Variants in RBFOX1 observed in about 807,000 individuals in gnomAD.
The protein encoded by RBFOX1 is RNA binding fox-1 homolog 1, also known as RNA binding protein fox-1 homolog 1.
A neutral mutation model predicts 57.7 loss-of-function variants in RBFOX1; 8 were observed. The observed-to-expected ratio is 0.14, with a 90% CI of 0.08 to 0.25. The LOEUF is 0.25. RBFOX1 is among the 10% of genes least tolerant of loss of function. The probability of loss-of-function intolerance (pLI) is 1.00; values close to 1 mark genes in which losing one functional copy is unlikely to be tolerated. For synonymous variants in RBFOX1, 326 were observed against 222.4 expected, an observed-to-expected ratio of 1.47 and a Z score of -4.15; for missense variants, 611 against 548.5, an observed-to-expected ratio of 1.11 and a Z score of -1.14.
At chr16:6,483,629 G>A (rs2095411402) in intron 2 of RBFOX1, 5 of 1,323,248 alleles carry the variant, frequency 3.8e-6, no homozygotes, top group Admixed American at 2.3e-5. Flanking sequence ...GAGAGACCAG[G>A]CAGCTTCTGC....
chr16:6,818,048 C>T (rs548654238), intron 3 of RBFOX1, among the ~76,000 whole-genome samples: 92 of 152,276 alleles, frequency 6.0e-4, no homozygotes, highest in Non-Finnish European at 1.2e-3. Context: ...TCCTATATCT[C>T]ACATGGGCAT....
At chr16:6,477,336 A>G (rs2095289472) in intron 2 of RBFOX1, among the ~76,000 whole-genome samples, 1 of 152,228 alleles carries the variant, frequency 6.6e-6, no homozygotes, top group African/African-American at 2.4e-5. Flanking sequence ...TAAGACTGGA[A>G]ATCAAAATTA....
At chr16:5,498,305 G>T (rs1199383227) in intron 2 of RBFOX1, among the ~76,000 whole-genome samples, 5 of 152,046 alleles carry the variant, frequency 3.3e-5, no homozygotes, top group Non-Finnish European at 2.9e-5. Context: ...ACCACGCCCA[G>T]CTAATATTTT....
chr16:7,549,283 CT>C (rs2085591875), intron 5 of RBFOX1, among the ~76,000 whole-genome samples: 1 of 152,144 alleles, frequency 6.6e-6, no homozygotes, highest in African/African-American at 2.4e-5. Context: ...TGCTGTAGGA[CT>C]GTGAATAAGC....
intron 2 of RBFOX1, among the ~76,000 whole-genome samples, chr16:5,497,448 G>C (rs1230210956): frequency 6.6e-6 from 1 of 151,944 alleles, no homozygotes; most frequent in African/African-American, 2.4e-5. Flanking sequence ...GACCCAGAGA[G>C]ACAAGAAAGA....
chr16:6,840,254 T>A (rs1162624376), intron 3 of RBFOX1, among the ~76,000 whole-genome samples: 1 of 152,180 alleles, frequency 6.6e-6, no homozygotes, highest in Non-Finnish European at 1.5e-5. Context: ...CATCTTTTAG[T>A]CACACGGAAC....
chr16:7,450,723 T>C (rs2098845518), intron 4 of RBFOX1, among the ~76,000 whole-genome samples: 1 of 152,114 alleles, frequency 6.6e-6, no homozygotes, highest in Admixed American at 6.5e-5. Flanking sequence ...GCATGGATGC[T>C]AATGGTTAGG....
chr16:6,016,046 G>T (rs905574284), upstream of RBFOX1, among the ~76,000 whole-genome samples: 2 of 152,214 alleles, frequency 1.3e-5, no homozygotes, highest in Non-Finnish European at 2.9e-5. Flanking sequence ...AGCCCATTTA[G>T]ACAGCAATCT....
At chr16:7,510,011 G>A (rs1255085199) in intron 4 of RBFOX1, 1 of 245,092 alleles carries the variant, frequency 4.1e-6, no homozygotes, top group Non-Finnish European at 6.4e-6. Flanking sequence ...CATCTGCTCA[G>A]TGGTGCGCTG....
chr16:7,626,545 G>A (rs925568355), intron 10 of RBFOX1, among the ~76,000 whole-genome samples: 3 of 152,298 alleles, frequency 2.0e-5, no homozygotes, highest in African/African-American at 4.8e-5. Context: ...GTCCCATGGA[G>A]CCAAATGTCT....
chr16:6,450,799 A>ATG (rs1357624195), intron 2 of RBFOX1, among the ~76,000 whole-genome samples: 219 of 12,532 alleles, frequency 0.017, 37 homozygotes, highest in African/African-American at 0.1. Flanking sequence ...ACATATATAT[A>ATG]TGTATATATA....
Position 6,891,869 on chromosome 16 carries a change from C to T in RBFOX1, c.-15-160188C>T, listed in dbSNP as rs962154379. Among the ~76,000 whole-genome samples, 10 of 152,274 alleles carry T rather than the reference C, an allele frequency of 6.6e-5. No homozygotes were observed. In the South Asian group the frequency reaches 2.1e-3, roughly 32 times the overall value. ...ATAGCTACTTAGTGGACAGCAAGGC[C>T]AGCACTGCTTTTAAAACAATCCCTG... On this transcript the variant is annotated intron_variant, in intron 3 of 15. Coordinates refer to ENST00000550418, the MANE Select transcript of RBFOX1 (RefSeq NM_018723.4).
At chr16:7,203,384 A>G (rs1044328464) in intron 4 of RBFOX1, among the ~76,000 whole-genome samples, 1 of 152,196 alleles carries the variant, frequency 6.6e-6, no homozygotes, top group Non-Finnish European at 1.5e-5. Context: ...AGAGGAAGGT[A>G]GGGGAAAGGA....
chr16:6,345,757 A>G (rs193274655), intron 2 of RBFOX1, among the ~76,000 whole-genome samples: 15 of 152,326 alleles, frequency 9.8e-5, no homozygotes, highest in African/African-American at 2.2e-4. Flanking sequence ...GTTAATTTAG[A>G]AAGTTTATTT....
At position 6,976,610 on chromosome 16, in the gene RBFOX1, C is replaced by T. The variant is rs750466094; in HGVS notation, c.-15-75447C>T. Among the ~76,000 whole-genome samples, 60 of 150,038 alleles carry T rather than the reference C, an allele frequency of 4.0e-4. 1 individual carries two copies. Among genetic ancestry groups the T allele is most frequent in the Non-Finnish European group, 8.0e-4 (54 of 67,750 alleles). On this transcript the variant is annotated intron_variant, in intron 3 of 15. Coordinates refer to ENST00000550418, the MANE Select transcript of RBFOX1 (RefSeq NM_018723.4). ...CTTCATAGACAGAGTAGGGCGTTCCCGAAAGTAAGAGGAAGAACGCATCCA... is the reference window on the plus strand; with the variant it reads ...CTTCATAGACAGAGTAGGGCGTTCCTGAAAGTAAGAGGAAGAACGCATCCA...
chr16:6,148,795 G>C (rs1013589916), intron 1 of RBFOX1, among the ~76,000 whole-genome samples: 2 of 152,206 alleles, frequency 1.3e-5, no homozygotes, highest in African/African-American at 4.8e-5. Context: ...CAAGGGTGGA[G>C]TGGGGATGTT....
intron 3 of RBFOX1, among the ~76,000 whole-genome samples, chr16:6,817,353 T>C (rs191981728): frequency 1.1e-4 from 16 of 152,138 alleles, no homozygotes; most frequent in Non-Finnish European, 1.5e-5. Context: ...GTTAGCTGCG[T>C]GTGTCACCCT....
chr16:6,613,037 G>C (rs2098088739), intron 2 of RBFOX1, among the ~76,000 whole-genome samples: 1 of 149,692 alleles, frequency 6.7e-6, no homozygotes, highest in Admixed American at 6.7e-5. Context: ...GTGTGTGTGT[G>C]TGTGTGAGTG....
chr16:5,309,193 A>T (rs1051174583), intron 1 of RBFOX1, among the ~76,000 whole-genome samples: 8 of 152,172 alleles, frequency 5.3e-5, no homozygotes, highest in African/African-American at 1.9e-4. Flanking sequence ...TTAGGAGGAG[A>T]TAAATGGTTT....
Sources: gnomAD v4.1 joint callset for allele counts (sites outside exome capture counted in the v4.1 genomes callset) on GRCh38, gnomAD v4.1.1 for gene constraint, MANE v1.5 for transcripts, NCBI Gene and HGNC (gene_info 2026-07-23, HGNC 2026-07-21) for gene names.